MAML3: variants seen among roughly 807,000 people sequenced by gnomAD.
MAML3 encodes mastermind-like protein 3.
In MAML3, 27 loss-of-function variants were observed where a neutral mutation model predicts 101.9. That is an observed-to-expected ratio of 0.27 (90% confidence interval 0.20 to 0.37). MAML3 has a LOEUF of 0.37. Ranked by LOEUF, MAML3 falls within the 10% of genes least tolerant of loss-of-function variation. MAML3 has a pLI of 1.00. For missense variants in MAML3, 1,316 were observed against 1,444.9 expected (o/e 0.91, Z 1.45); for synonymous variants, 501 against 555.9 (o/e 0.90, Z 1.39).
intron 1 of MAML3, among the ~76,000 whole-genome samples, chr4:139,943,735 T>A (rs1733649638): frequency 6.6e-6 from 1 of 152,172 alleles, no homozygotes; most frequent in South Asian, 2.1e-4. Flanking sequence ...ACAATGGAGA[T>A]CCTCTTGCAG....
At chr4:139,881,711 T>C (rs1233282338) in intron 2 of MAML3, among the ~76,000 whole-genome samples, 1 of 152,218 alleles carries the variant, frequency 6.6e-6, no homozygotes, top group Non-Finnish European at 1.5e-5. Context: ...TTGTATTTAT[T>C]TATTTATTGA....
intron 1 of MAML3, among the ~76,000 whole-genome samples, chr4:139,894,623 A>T (rs1732570911): frequency 6.6e-6 from 1 of 152,194 alleles, no homozygotes; most frequent in Admixed American, 6.5e-5. Flanking sequence ...CTTGTTCCTA[A>T]ATCTTATATT....
At chr4:139,982,393 C>A (rs1160210932) in intron 1 of MAML3, among the ~76,000 whole-genome samples, 1 of 152,120 alleles carries the variant, frequency 6.6e-6, no homozygotes, top group Non-Finnish European at 1.5e-5. Flanking sequence ...TTTCCCCCCA[C>A]CCAGCCCTAC....
intron 2 of MAML3, among the ~76,000 whole-genome samples, chr4:139,854,824 C>T (rs775837039): frequency 1.2e-5 from 1 of 85,984 alleles, no homozygotes; most frequent in Non-Finnish European, 3.7e-5. Flanking sequence ...TCTCCAGCAG[C>T]ATGGTATAGC....
intron 1 of MAML3, among the ~76,000 whole-genome samples, chr4:140,068,240 T>C (rs750268487): frequency 6.6e-6 from 1 of 152,164 alleles, no homozygotes; most frequent in Non-Finnish European, 1.5e-5. Flanking sequence ...ACTGCCGCAG[T>C]GGCTTTATTA....
At chr4:139,984,557 C>A (rs1734501234) in intron 1 of MAML3, among the ~76,000 whole-genome samples, 1 of 152,272 alleles carries the variant, frequency 6.6e-6, no homozygotes, top group Admixed American at 6.5e-5. Flanking sequence ...TACTTTGCTC[C>A]TACTCTTTCA....
intron 2 of MAML3, among the ~76,000 whole-genome samples, chr4:139,833,477 C>T (rs1731205166): frequency 6.6e-6 from 1 of 151,800 alleles, no homozygotes; most frequent in African/African-American, 2.4e-5. Flanking sequence ...AGAGCAGAGG[C>T]GTGGAGGCTA....
intron 1 of MAML3, among the ~76,000 whole-genome samples, chr4:140,137,385 G>A (rs574867537): frequency 3.9e-5 from 6 of 152,182 alleles, no homozygotes; most frequent in Admixed American, 6.5e-5. Context: ...CCATATGGTT[G>A]TGGGTTTTAA....
At chr4:140,035,720 T>C (rs181959276) in intron 1 of MAML3, among the ~76,000 whole-genome samples, 29 of 151,350 alleles carry the variant, frequency 1.9e-4, no homozygotes, top group Middle Eastern at 6.8e-3. Flanking sequence ...GAGGTGGAGG[T>C]TGCAGTGAGC....
intron 2 of MAML3, among the ~76,000 whole-genome samples, chr4:139,732,311 T>C (rs1728756169): frequency 6.6e-6 from 1 of 152,226 alleles, no homozygotes; most frequent in Non-Finnish European, 1.5e-5. Flanking sequence ...TGGCTTGGGC[T>C]TGTGTTCCTC....
intron 2 of MAML3, among the ~76,000 whole-genome samples, chr4:139,851,351 C>T (rs1731546051): frequency 6.6e-6 from 1 of 152,200 alleles, no homozygotes; most frequent in South Asian, 2.1e-4. Flanking sequence ...TTCTTCAGGG[C>T]CTTTTAAGAC....
At chr4:140,075,066 T>C (rs1305580750) in intron 1 of MAML3, among the ~76,000 whole-genome samples, 2 of 152,222 alleles carry the variant, frequency 1.3e-5, no homozygotes, top group African/African-American at 2.4e-5. Flanking sequence ...GTAGTTTACT[T>C]TACTGAACGC....
intron 1 of MAML3, among the ~76,000 whole-genome samples, chr4:140,008,980 A>G (rs1351417642): frequency 2.6e-5 from 4 of 152,248 alleles, no homozygotes; most frequent in African/African-American, 9.6e-5. Context: ...AAACCTTTGC[A>G]TATCTAAAAG....
chr4:139,797,224 A>AT (rs1196153226), intron 2 of MAML3, among the ~76,000 whole-genome samples: 2 of 152,242 alleles, frequency 1.3e-5, no homozygotes, highest in African/African-American at 4.8e-5. Context: ...AAAAATACAC[A>AT]TATACACATG....
rs370664099 is a variant in MAML3 at position 139,890,836 on chromosome 4, C to T, written c.600G>A (p.Met200Ile). Reference protein sequence around the residue: ...KRIRKDISAGMEAINNLPSNM... With the variant: ...KRIRKDISAGIEAINNLPSNM... ...TACTGGGCAAATTGTTGATGGCTTC[C>T]ATCCCCGCAGAAATGTCCTTTCGAA... is the stretch of plus-strand genomic sequence containing the variant. Residue 200 changes from methionine (M) to isoleucine (I), a missense_variant, in exon 2 of 5, where the codon ATG becomes ATA. By Grantham distance (10) the Met-to-Ile change is conservative. Coordinates refer to ENST00000509479, the MANE Select transcript of MAML3 (RefSeq NM_018717.5). This position sits in a 1 kb window ranked among gnomAD's most constrained non-coding sequence, Gnocchi z 4.1. The T allele has an allele frequency of 4.5e-5, 72 of 1,613,874 alleles. No homozygotes were observed. Among genetic ancestry groups the T allele is most frequent in the Non-Finnish European group, 5.9e-5 (70 of 1,179,874 alleles).
At chr4:139,999,030 A>C (rs181217249) in intron 1 of MAML3, among the ~76,000 whole-genome samples, 3 of 152,172 alleles carry the variant, frequency 2.0e-5, no homozygotes, top group Non-Finnish European at 4.4e-5. Flanking sequence ...TTTCAAGTAG[A>C]TATCAGCCTA....
intron 1 of MAML3, among the ~76,000 whole-genome samples, chr4:139,893,645 G>A (rs898374417): frequency 1.3e-5 from 2 of 152,146 alleles, no homozygotes; most frequent in African/African-American, 4.8e-5. Context: ...CATAAGGAAT[G>A]CCTGATTCCA....
chr4:139,820,793 G>T (rs1223974224), intron 2 of MAML3, among the ~76,000 whole-genome samples: 1 of 151,992 alleles, frequency 6.6e-6, no homozygotes, highest in Non-Finnish European at 1.5e-5. Flanking sequence ...GGTCATAAAG[G>T]TCTTTTTTTT....
chr4:140,122,210 T>G (rs1310042539), intron 1 of MAML3, among the ~76,000 whole-genome samples: 2 of 143,276 alleles, frequency 1.4e-5, no homozygotes, highest in Non-Finnish European at 3.1e-5. Context: ...ACAGGAATAA[T>G]CAAACGAGAC....
Sources: allele counts gnomAD v4.1 joint callset (sites outside exome capture counted in the v4.1 genomes callset), GRCh38; gene constraint gnomAD v4.1.1; non-coding constraint Gnocchi (gnomAD v3.1); transcripts MANE v1.5; gene names NCBI Gene and HGNC (gene_info 2026-07-23, HGNC 2026-07-21).